Variants in ZNF799 observed in about 807,000 individuals in gnomAD.
ZNF799 encodes zinc finger protein 14.
In ZNF799, 28 loss-of-function variants were observed where a neutral mutation model predicts 41.0. The ratio of observed to expected loss-of-function variants is 0.68; its 90% CI spans 0.51 to 0.94. The LOEUF (loss-of-function observed/expected upper bound fraction) is 0.94. Among genes scored for constraint, ZNF799 ranks in the 40% least tolerant of loss-of-function variants. The pLI, the probability that ZNF799 is intolerant of heterozygous loss-of-function variation, is 0.00. For synonymous variants in ZNF799, 213 were observed against 252.9 expected (o/e 0.84, Z 1.50); for missense variants, 716 against 764.3 (o/e 0.94, Z 0.74).
rs1037119658 is a variant in ZNF799 at position 12,390,627 on chromosome 19, T to C, written c.1771A>G (p.Lys591Glu). Residue 591 changes from lysine (K) to glutamate (E), a missense_variant, in exon 4 of 4, where the codon AAG becomes GAG. Around this residue, in one of 2 missense-constraint regions of ZNF799, gnomAD observed 698 missense variants for 713.6 expected, o/e 0.98. Coordinates refer to ENST00000430385, the MANE Select transcript of ZNF799 (RefSeq NM_001080821.3). ...GAAGCAAATGCTTTCCCACATTCCT[T>C]ACATTCATACGGGTTCTCTCCAGTA... ...THTGENPYEC[K>E]ECGKAFASLS... 2.5e-6 allele frequency: 4 copies of C among 1,613,804 alleles called. No individual in the cohort carries two copies. Among genetic ancestry groups the C allele is most frequent in the Non-Finnish European group, 3.4e-6 (4 of 1,179,872 alleles).
At chr19:12,412,029 T>C in the ZNF799 span, among the ~76,000 whole-genome samples, 1 of 152,172 alleles carries the variant, frequency 6.6e-6, no homozygotes, top group African/African-American at 2.4e-5. Context: ...TTGATCCAGA[T>C]ATCTCCCTTA....
In ZNF799 at chr19:12,391,847, A is replaced by C; in HGVS notation, c.551T>G (p.Leu184Arg). ...ACGCTGCACTGCCATGTGTCTTTGA[A>C]GGTTTCCCAAAGAACTGAAGGACTT... ...CGKSFSSLGNLQRHMAVQRGD... is the reference protein window; with the variant it reads ...CGKSFSSLGNRQRHMAVQRGD... The change falls in exon 4 of 4, where the codon CTT becomes CGT. Residue 184 changes from leucine to arginine, a missense_variant. Leu to Arg is a moderately radical substitution (Grantham distance 102). Transcript: ENST00000430385. 6.2e-6 allele frequency: 10 copies of C among 1,614,216 alleles called. No homozygotes were observed. Among genetic ancestry groups the C allele is most frequent in the Non-Finnish European group, 8.5e-6 (10 of 1,180,018 alleles).
chr19:12,411,473 G>A, the ZNF799 span, among the ~76,000 whole-genome samples: 1 of 152,120 alleles, frequency 6.6e-6, no homozygotes, highest in Non-Finnish European at 1.5e-5. Context: ...ACAAAAGACA[G>A]GGACAAATGG....
Position 12,390,654 on chromosome 19 carries a change from G to A in ZNF799, c.1744C>T (p.His582Tyr). 6.2e-7 allele frequency: 1 copy of A among 1,613,630 alleles called. No homozygotes were observed. Among genetic ancestry groups the A allele is most frequent in the Non-Finnish European group, 8.5e-7 (1 of 1,179,606 alleles). The change falls in exon 4 of 4, where the codon CAT (histidine) becomes TAT (tyrosine). Residue 582 changes from histidine to tyrosine, a missense_variant. Physicochemically the swap from His to Tyr is moderately conservative, Grantham distance 83. Around this residue, in one of 2 missense-constraint regions of ZNF799, gnomAD observed 698 missense variants for 713.6 expected, o/e 0.98. Transcript: ENST00000430385. ...CATTCATACGGGTTCTCTCCAGTAT[G>A]AGTTTTTTCATGTCCTTGAAGAAAA... The part of the protein sequence containing the change: ...SRFLQGHEKT[H>Y]TGENPYECKE...
At position 12,391,241 on chromosome 19, in the gene ZNF799, A is replaced by G. The variant is rs1403359268; in HGVS notation, c.1157T>C (p.Met386Thr). ...HSSSFRRHMT[M>T]HTGDGPHKCK... ...TTTGTGAGGTCCATCTCCAGTGTGC[A>G]TTGTCATGTGTCTTCGAAAGCTTGA... The change falls in exon 4 of 4, where the codon ATG (methionine) becomes ACG (threonine). Residue 386 changes from methionine to threonine, a missense_variant. Physicochemically the swap from Met to Thr is moderately conservative, Grantham distance 81. Transcript: ENST00000430385. 2.5e-6 allele frequency: 4 copies of G among 1,614,096 alleles called. No homozygotes were observed. Among genetic ancestry groups the G allele is most frequent in the African/African-American group, 1.3e-5 (1 of 75,006 alleles).
chr19:12,408,429 A>G, the ZNF799 span, among the ~76,000 whole-genome samples: 1 of 152,168 alleles, frequency 6.6e-6, no homozygotes, highest in Non-Finnish European at 1.5e-5. Context: ...CCATTTAAAC[A>G]TGTATTATCT....
chr19:12,413,864 C>T, the ZNF799 span, among the ~76,000 whole-genome samples: 3 of 152,176 alleles, frequency 2.0e-5, no homozygotes, highest in Admixed American at 6.5e-5. Flanking sequence ...CGGGTAGTCG[C>T]CCGTAGGGAA....
chr19:12,391,483 A>T lies in ZNF799; in HGVS notation c.915T>A (p.Asp305Glu), dbSNP rs1201796610. The T allele has an allele frequency of 1.9e-6, 3 of 1,613,880 alleles. No homozygotes were observed. The highest frequency in any genetic ancestry group is 1.7e-6 in the Non-Finnish European group (2 of 1,179,918). The change falls in exon 4 of 4, where the codon GAT becomes GAA. Residue 305 changes from aspartate to glutamate, a missense_variant. By Grantham distance (45) the Asp-to-Glu change is conservative. Coordinates refer to ENST00000430385, the MANE Select transcript of ZNF799 (RefSeq NM_001080821.3). ...ATTGCTGACATGCATAGGGTTTCTC[A>T]TCAGTGTGAGTTGTTTCGTGTCTTC... ...SLRRHETTHT[D>E]EKPYACQQCG...
chr19:12,410,396 A>G, the ZNF799 span, among the ~76,000 whole-genome samples: 1 of 151,262 alleles, frequency 6.6e-6, no homozygotes, highest in Non-Finnish European at 1.5e-5. Flanking sequence ...GGCCTCCCAA[A>G]GTGTTGGGAT....
the ZNF799 span, among the ~76,000 whole-genome samples, chr19:12,408,168 C>T: frequency 6.6e-6 from 1 of 151,574 alleles, no homozygotes; most frequent in Admixed American, 6.6e-5. Context: ...AAGATTCTGT[C>T]TCAAAAGAAA....
At chr19:12,410,283 AT>A in the ZNF799 span, among the ~76,000 whole-genome samples, 1 of 115,644 alleles carries the variant, frequency 8.6e-6, no homozygotes, top group Non-Finnish European at 1.8e-5. Flanking sequence ...ATATATATAT[AT>A]ATATATATAT....
At chr19:12,392,917 A>C (rs1158542064) in intron 2 of ZNF799, among the ~76,000 whole-genome samples, 2 of 152,268 alleles carry the variant, frequency 1.3e-5, no homozygotes, top group Admixed American at 6.5e-5. Context: ...GACAATGAGA[A>C]TGAAAACCTT....
At chr19:12,398,276 A>G (rs1354047253) in intron 1 of ZNF799, 1 of 154,080 alleles carries the variant, frequency 6.5e-6, no homozygotes, top group African/African-American at 2.4e-5. Flanking sequence ...AAAAAAAAAA[A>G]AAAAAATTGG....
intron 1 of ZNF799, among the ~76,000 whole-genome samples, chr19:12,399,643 CTT>C (rs35008340): frequency 3.5e-4 from 45 of 128,752 alleles, no homozygotes; most frequent in Admixed American, 5.4e-4. Context: ...TGTGGACACC[CTT>C]TTTTTTTTTT....
In ZNF799 at chr19:12,391,307, A is replaced by G. The variant is rs200214308; in HGVS notation, c.1091T>C (p.Leu364Pro). The change falls in exon 4 of 4, where the codon CTC (leucine) becomes CCC (proline). Residue 364 changes from leucine to proline, a missense_variant. Leu to Pro is a moderately conservative substitution (Grantham distance 98). Transcript: ENST00000430385. The part of the protein sequence containing the change: ...SHERTHTGEK[L>P]YECKQCGKAL... ...TTTCCCACACTGCTTGCATTCATAGAGTTTCTCTCCAGTGTGAGTTCTTTC... is the reference window on the plus strand; with the variant it reads ...TTTCCCACACTGCTTGCATTCATAGGGTTTCTCTCCAGTGTGAGTTCTTTC... 9.0e-5 allele frequency: 146 copies of G among 1,613,684 alleles called. 2 individuals are homozygous for G. The highest frequency in any genetic ancestry group is 1.3e-4 in the South Asian group (12 of 91,060).
chr19:12,399,293 C>T (rs1969943534), intron 1 of ZNF799, among the ~76,000 whole-genome samples: 1 of 152,164 alleles, frequency 6.6e-6, no homozygotes, highest in African/African-American at 2.4e-5. Flanking sequence ...CTTGCACTAC[C>T]TCAACGGGCA....
intron 1 of ZNF799, chr19:12,395,262 C>G (rs1460657596): frequency 6.6e-6 from 1 of 151,992 alleles, no homozygotes; most frequent in Non-Finnish European, 1.5e-5. Context: ...CAGCCTCAGC[C>G]TCCTGAGTAG....
Position 12,391,839 on chromosome 19 carries a change from G to A in ZNF799, c.559C>T (p.His187Tyr). ...SFSSLGNLQR[H>Y]MAVQRGDGPY... Reference sequence around the variant, plus strand: ...CCATCTCCACGCTGCACTGCCATGTGTCTTTGAAGGTTTCCCAAAGAACTG... The same window carrying A: ...CCATCTCCACGCTGCACTGCCATGTATCTTTGAAGGTTTCCCAAAGAACTG... Residue 187 changes from histidine (H) to tyrosine (Y), a missense_variant, in exon 4 of 4, where the codon CAC (histidine) becomes TAC (tyrosine). Physicochemically the swap from His to Tyr is moderately conservative, Grantham distance 83. Around this residue, in one of 2 missense-constraint regions of ZNF799, gnomAD observed 698 missense variants for 713.6 expected, o/e 0.98. Transcript: ENST00000430385. 6.2e-7 allele frequency: 1 copy of A among 1,614,180 alleles called. No individual in the cohort carries two copies.
In ZNF799 at chr19:12,390,714, A is replaced by G; in HGVS notation, c.1684T>C (p.Cys562Arg). The G allele has an allele frequency of 6.2e-7, 1 of 1,613,414 alleles. No individual in the cohort carries two copies. Among genetic ancestry groups the G allele is most frequent in the Non-Finnish European group, 8.5e-7 (1 of 1,179,824 alleles). The change falls in exon 4 of 4, where the codon TGT (cysteine) becomes CGT (arginine). Residue 562 changes from cysteine to arginine, a missense_variant. Cys to Arg is a radical substitution (Grantham distance 180, BLOSUM62 -3). Around this residue, in one of 2 missense-constraint regions of ZNF799, gnomAD observed 698 missense variants for 713.6 expected, o/e 0.98. Coordinates refer to ENST00000430385, the MANE Select transcript of ZNF799 (RefSeq NM_001080821.3). ...RIHMREKPYE[C>R]QQCGKAFTHS... Reference sequence around the variant, plus strand: ...GTGAAGGCTTTACCACATTGTTGACACTCATAGGGTTTCTCTCTCATGTGA... The same window carrying G: ...GTGAAGGCTTTACCACATTGTTGACGCTCATAGGGTTTCTCTCTCATGTGA...
Sources: gnomAD v4.1 joint callset for allele counts (sites outside exome capture counted in the v4.1 genomes callset) on GRCh38, gnomAD v4.1.1 for gene constraint, gnomAD v4.1.1 regional missense constraint, MANE v1.5 for transcripts, NCBI Gene and HGNC (gene_info 2026-07-23, HGNC 2026-07-21) for gene names.